MAD1L1: variants seen among roughly 807,000 people sequenced by gnomAD.
The protein encoded by MAD1L1 is mitotic spindle assembly checkpoint protein MAD1.
A neutral mutation model predicts 96.9 loss-of-function variants in MAD1L1; 95 were observed. That is an observed-to-expected ratio of 0.98 (90% confidence interval 0.83 to 1.16). The LOEUF (loss-of-function observed/expected upper bound fraction) is 1.16. MAD1L1 is among the 50% of genes most tolerant of loss of function. The probability of loss-of-function intolerance (pLI) is 0.00; values close to 1 mark genes in which losing one functional copy is unlikely to be tolerated. For missense variants in MAD1L1, 1,007 were observed against 954.4 expected, an observed-to-expected ratio of 1.06 and a Z score of -0.73; for synonymous variants, 473 against 396.6, an observed-to-expected ratio of 1.19 and a Z score of -2.29.
chr7:1,946,086 G>A (rs574797439), intron 16 of MAD1L1, among the ~76,000 whole-genome samples: 247 of 152,330 alleles, frequency 1.6e-3, no homozygotes, highest in African/African-American at 5.5e-3. Flanking sequence ...AGGAGGCAGC[G>A]GATGTGGGGT....
intron 11 of MAD1L1, among the ~76,000 whole-genome samples, chr7:2,075,978 C>T (rs1230288031): frequency 2.0e-5 from 3 of 152,336 alleles, no homozygotes; most frequent in Middle Eastern, 3.4e-3. Context: ...GAGCCCACGG[C>T]GTGGCCACCG....
intron 11 of MAD1L1, among the ~76,000 whole-genome samples, chr7:2,121,448 C>G (rs978867743): frequency 1.3e-5 from 2 of 152,208 alleles, no homozygotes; most frequent in African/African-American, 2.4e-5. Context: ...ACAGCCCCCA[C>G]GGGAGGGTCG....
chr7:2,098,013 G>C (rs1224109902), intron 11 of MAD1L1, among the ~76,000 whole-genome samples: 1 of 152,218 alleles, frequency 6.6e-6, no homozygotes, highest in Non-Finnish European at 1.5e-5. Context: ...GGAACTGAGA[G>C]GAAGCTTCAC....
At chr7:2,210,308 C>T (rs1392747199) in intron 10 of MAD1L1, among the ~76,000 whole-genome samples, 1 of 152,160 alleles carries the variant, frequency 6.6e-6, no homozygotes, top group Admixed American at 6.5e-5. Context: ...TAGGCTCGAG[C>T]AATCCCCCTG....
At chr7:1,935,173 A>G (rs192436773) in intron 17 of MAD1L1, among the ~76,000 whole-genome samples, 1 of 152,382 alleles carries the variant, frequency 6.6e-6, no homozygotes, top group Admixed American at 6.5e-5. Flanking sequence ...CCACCTAAAA[A>G]TATGGCTCCA....
chr7:1,979,044 C>G (rs552115800), intron 15 of MAD1L1, among the ~76,000 whole-genome samples: 2 of 152,176 alleles, frequency 1.3e-5, no homozygotes, highest in Non-Finnish European at 2.9e-5. Context: ...CTTCCTGGGC[C>G]GGGGCCACAC....
At chr7:1,865,738 C>T (rs555268298) in intron 18 of MAD1L1, among the ~76,000 whole-genome samples, 1 of 152,268 alleles carries the variant, frequency 6.6e-6, no homozygotes, top group African/African-American at 2.4e-5. Context: ...TCAGGACTGG[C>T]TGCCTTGGAG....
intron 4 of MAD1L1, among the ~76,000 whole-genome samples, chr7:2,223,130 T>C (rs1243606653): frequency 6.6e-6 from 1 of 152,110 alleles, no homozygotes; most frequent in Middle Eastern, 3.2e-3. Context: ...GCAAATCCTG[T>C]CTAATTACGC....
At chr7:2,180,675 A>G (rs1029263130) in intron 10 of MAD1L1, among the ~76,000 whole-genome samples, 4 of 152,316 alleles carry the variant, frequency 2.6e-5, no homozygotes, top group Admixed American at 6.5e-5. Context: ...TTGTTGTCAG[A>G]TTGTTCACTG....
intron 18 of MAD1L1, among the ~76,000 whole-genome samples, chr7:1,837,097 C>T (rs561833415): frequency 6.6e-6 from 1 of 152,238 alleles, no homozygotes; most frequent in East Asian, 1.9e-4. Flanking sequence ...CTGGAGTATA[C>T]AAAGAACTCT....
At chr7:1,988,839 C>G (rs1392262180) in intron 14 of MAD1L1, among the ~76,000 whole-genome samples, 1 of 152,222 alleles carries the variant, frequency 6.6e-6, no homozygotes, top group East Asian at 1.9e-4. Flanking sequence ...CTGGCCAAAC[C>G]CTGTGCCCGC....
chr7:2,213,111 G>A (rs1402178842), intron 10 of MAD1L1, 101 bp downstream of exon 10: 45 of 1,245,126 alleles, frequency 3.6e-5, no homozygotes, highest in Non-Finnish European at 4.9e-5. Context: ...CCACAGAGAT[G>A]CCTGGCTGGA....
At chr7:2,164,057 G>C (rs3779009) in intron 10 of MAD1L1, among the ~76,000 whole-genome samples, 45,689 of 151,966 alleles carry the variant, frequency 0.3, 8,447 homozygotes, top group East Asian at 0.66. Flanking sequence ...AGGAAAATGG[G>C]AACAGTTACA....
chr7:2,148,055 A>G (rs941943894), intron 11 of MAD1L1, among the ~76,000 whole-genome samples: 2 of 152,244 alleles, frequency 1.3e-5, no homozygotes, highest in African/African-American at 4.8e-5. Flanking sequence ...TTCATCTGAC[A>G]GCGGCTTTGA....
chr7:2,230,924 C>G (rs1794161314), intron 1 of MAD1L1, among the ~76,000 whole-genome samples, 197 bp from the exon 2 acceptor site: 1 of 152,150 alleles, frequency 6.6e-6, no homozygotes, highest in Admixed American at 6.5e-5. Context: ...ACAGGCACAC[C>G]CAAAACCAAA....
chr7:2,109,174 G>A (rs1275098570), intron 11 of MAD1L1, among the ~76,000 whole-genome samples: 5 of 152,144 alleles, frequency 3.3e-5, no homozygotes, highest in Non-Finnish European at 5.9e-5. Flanking sequence ...CCACCTAGAC[G>A]GAAAACCCGA....
intron 14 of MAD1L1, among the ~76,000 whole-genome samples, chr7:1,996,123 T>G (rs1488721550): frequency 7.1e-6 from 1 of 141,668 alleles, no homozygotes; most frequent in Non-Finnish European, 1.6e-5. Flanking sequence ...TGCCGGGCCC[T>G]GCCGGTCTAC....
chr7:1,935,394 G>A (rs2128463143), intron 17 of MAD1L1, among the ~76,000 whole-genome samples: 2 of 152,208 alleles, frequency 1.3e-5, no homozygotes, highest in Middle Eastern at 6.8e-3. Context: ...GGCAACACAG[G>A]CCCCCCCTTC....
chr7:2,159,247 G>C (rs534763954), intron 10 of MAD1L1, among the ~76,000 whole-genome samples: 2 of 152,362 alleles, frequency 1.3e-5, no homozygotes, highest in African/African-American at 4.8e-5. Context: ...CACACTGCCT[G>C]TGCAGGACAG....
Sources: gnomAD v4.1 joint callset for allele counts (sites outside exome capture counted in the v4.1 genomes callset) on GRCh38, gnomAD v4.1.1 for gene constraint, MANE v1.5 for transcripts, NCBI Gene and HGNC (gene_info 2026-07-23, HGNC 2026-07-21) for gene names.